MDGA2: variants seen among roughly 807,000 people sequenced by gnomAD.
The protein encoded by MDGA2 is MAM domain containing glycosylphosphatidylinositol anchor 2.
Under a neutral mutation model 117.8 loss-of-function variants are expected in MDGA2, and 40 were observed. That is an observed-to-expected ratio of 0.34 (90% CI 0.26 to 0.44). The LOEUF (loss-of-function observed/expected upper bound fraction) is 0.44. MDGA2 is among the 20% of genes least tolerant of loss of function. MDGA2 has a pLI of 1.00. For missense variants in MDGA2, 1,123 were observed against 1,250.6 expected (o/e 0.90, Z 1.54); for synonymous variants, 452 against 439.0 (o/e 1.03, Z -0.37).
chr14:47,568,161 T>C (rs974912629), intron 1 of MDGA2, among the ~76,000 whole-genome samples: 1 of 152,180 alleles, frequency 6.6e-6, no homozygotes, highest in Non-Finnish European at 1.5e-5. Context: ...GTGGATTTTA[T>C]GGAACTCATG....
intron 2 of MDGA2, among the ~76,000 whole-genome samples, chr14:47,254,507 A>G (rs1335947311): frequency 6.6e-6 from 1 of 152,128 alleles, no homozygotes; most frequent in Admixed American, 6.5e-5. Flanking sequence ...ATCTGAGATC[A>G]CCTCGGACTG....
At chr14:47,069,733 T>C (rs1890211618) in intron 6 of MDGA2, among the ~76,000 whole-genome samples, 1 of 152,208 alleles carries the variant, frequency 6.6e-6, no homozygotes, top group Admixed American at 6.5e-5. Flanking sequence ...TTTCTTGAGA[T>C]GTAGAATATT....
intron 1 of MDGA2, among the ~76,000 whole-genome samples, chr14:47,437,447 T>C (rs1045482436): frequency 2.0e-5 from 3 of 152,180 alleles, no homozygotes; most frequent in African/African-American, 7.2e-5. Context: ...AGTTGTTCCA[T>C]GCTGCTTATA....
chr14:47,520,267 A>AT (rs1894841958), intron 1 of MDGA2, among the ~76,000 whole-genome samples: 1 of 152,160 alleles, frequency 6.6e-6, no homozygotes, highest in African/African-American at 2.4e-5. Context: ...AAGTCACTCT[A>AT]TCCTTCTGAC....
At chr14:46,983,790 G>C (rs1289920599) in intron 8 of MDGA2, among the ~76,000 whole-genome samples, 2 of 152,046 alleles carry the variant, frequency 1.3e-5, no homozygotes, top group African/African-American at 4.8e-5. Flanking sequence ...ATTCAAAACA[G>C]ATGGGAGACA....
At chr14:47,423,124 T>C (rs1403768733) in intron 1 of MDGA2, among the ~76,000 whole-genome samples, 3 of 152,202 alleles carry the variant, frequency 2.0e-5, no homozygotes, top group African/African-American at 7.2e-5. Flanking sequence ...GTTTTCATTC[T>C]AGGGACTCTA....
intron 3 of MDGA2, among the ~76,000 whole-genome samples, chr14:47,209,764 A>T (rs556180147): frequency 1.5e-4 from 23 of 152,220 alleles, no homozygotes; most frequent in African/African-American, 5.5e-4. Flanking sequence ...AAAATTGCAA[A>T]ATCCTGTCTC....
At chr14:47,134,374 A>C (rs1451212691) in intron 4 of MDGA2, among the ~76,000 whole-genome samples, 1 of 152,100 alleles carries the variant, frequency 6.6e-6, no homozygotes, top group Non-Finnish European at 1.5e-5. Flanking sequence ...GTATAAACTC[A>C]ATATAATTAA....
At chr14:47,337,911 C>A (rs1380123646) in intron 1 of MDGA2, among the ~76,000 whole-genome samples, 1 of 151,792 alleles carries the variant, frequency 6.6e-6, no homozygotes, top group Non-Finnish European at 1.5e-5. Flanking sequence ...CTATGAATAC[C>A]CCTTATTTTG....
In MDGA2 at chr14:47,072,245, TAGA is replaced by T. The variant is rs747732385; in HGVS notation, c.1196-10670_1196-10668del. 9.2e-5 allele frequency among the ~76,000 whole-genome samples: 14 copies of T among 152,102 alleles called. No individual in the cohort carries two copies. The East Asian group carries it at 9.7e-4, about 11-fold the overall frequency. ...GACCTAGACTCTGTAGTGAGGTAGA[TAGA>T]AGAATACATGTGGATAGAGACATTA... On this transcript the variant is annotated intron_variant, in intron 6 of 16. Coordinates refer to ENST00000399232, the MANE Select transcript of MDGA2 (RefSeq NM_001113498.3).
At chr14:46,967,356 G>T (rs1284117841) in intron 8 of MDGA2, among the ~76,000 whole-genome samples, 1 of 152,112 alleles carries the variant, frequency 6.6e-6, no homozygotes, top group Admixed American at 6.5e-5. Flanking sequence ...CCAAATACTT[G>T]TTGTCTGGTT....
At chr14:47,361,243 C>T (rs1328582896) in intron 1 of MDGA2, among the ~76,000 whole-genome samples, 1 of 1,990 alleles carries the variant, frequency 5.0e-4, no homozygotes, top group Admixed American at 9.4e-3. Context: ...GTAGTAATTA[C>T]AACACACAAA....
intron 1 of MDGA2, among the ~76,000 whole-genome samples, chr14:47,550,590 T>C (rs1337964903): frequency 2.0e-5 from 3 of 152,096 alleles, no homozygotes; most frequent in African/African-American, 7.2e-5. Context: ...TCACAGAAAT[T>C]CTTAGATGTT....
chr14:47,440,907 G>A (rs1218048864), intron 1 of MDGA2, among the ~76,000 whole-genome samples: 3 of 151,900 alleles, frequency 2.0e-5, no homozygotes, highest in African/African-American at 7.3e-5. Context: ...AAATTCAAGG[G>A]TACAGCTAAT....
In MDGA2 at chr14:47,141,847, A is replaced by C. The variant is rs552293611; in HGVS notation, c.792+2231T>G. ...TAACAATATTGTATTGTATGTTTCA[A>C]TACAGCTAGACGAGAATGTTCTGAA... On this transcript the variant is annotated intron_variant, in intron 4 of 16. Coordinates refer to ENST00000399232, the MANE Select transcript of MDGA2 (RefSeq NM_001113498.3). Among the ~76,000 whole-genome samples the C allele has an allele frequency of 1.3e-5, 2 of 152,326 alleles. 1 individual carries two copies. Among genetic ancestry groups the C allele is most frequent in the South Asian group, 4.1e-4 (2 of 4,830 alleles).
chr14:47,035,437 G>T, intron 7 of MDGA2, 133 bp from the exon 8 acceptor site: 1 of 655,492 alleles, frequency 1.5e-6, no homozygotes. Flanking sequence ...AAAACCTTGG[G>T]AATAAATGGA....
intron 3 of MDGA2, among the ~76,000 whole-genome samples, chr14:47,154,507 T>C (rs1883290251): frequency 6.6e-6 from 1 of 152,186 alleles, no homozygotes; most frequent in African/African-American, 2.4e-5. Flanking sequence ...TCTTGGCCTG[T>C]GAAGCCCCCC....
intron 4 of MDGA2, among the ~76,000 whole-genome samples, chr14:47,138,328 A>C (rs1351776795): frequency 6.6e-6 from 1 of 152,156 alleles, no homozygotes; most frequent in Non-Finnish European, 1.5e-5. Flanking sequence ...TTGTATAATT[A>C]GTCTAATTAG....
intron 1 of MDGA2, among the ~76,000 whole-genome samples, chr14:47,490,019 T>C (rs1482750601): frequency 6.6e-6 from 1 of 152,112 alleles, no homozygotes; most frequent in East Asian, 1.9e-4. Context: ...AATGACTATA[T>C]GCACCTACTT....
Sources: allele counts gnomAD v4.1 joint callset (sites outside exome capture counted in the v4.1 genomes callset), GRCh38; gene constraint gnomAD v4.1.1; transcripts MANE v1.5; gene names NCBI Gene and HGNC (gene_info 2026-07-23, HGNC 2026-07-21).